DMD: variants seen among roughly 807,000 people sequenced by gnomAD.
The protein encoded by DMD is mutant dystrophin.
A neutral mutation model predicts 330.1 loss-of-function variants in DMD; 63 were observed. The observed-to-expected ratio is 0.19, with a 90% confidence interval of 0.16 to 0.24. The LOEUF (loss-of-function observed/expected upper bound fraction) is 0.24, where lower values mean the gene tolerates loss of function less well. Ranked by LOEUF, DMD falls within the 10% of genes least tolerant of loss-of-function variation. The pLI is 1.00. For missense variants in DMD, 3,344 were observed against 2,684.1 expected, an observed-to-expected ratio of 1.25 and a Z score of -5.43; for synonymous variants, 1,223 against 959.8, an observed-to-expected ratio of 1.27 and a Z score of -5.07.
At chrX:31,496,405 G>A (rs959506475) in intron 57 of DMD, among the ~76,000 whole-genome samples, 10 of 111,762 alleles carry the variant, frequency 8.9e-5, no homozygotes, top group African/African-American at 1.6e-4. Context: ...AATAACACAC[G>A]CCTGATATTT....
intron 60 of DMD, among the ~76,000 whole-genome samples, chrX:31,398,012 G>A (rs1461467530): frequency 2.7e-5 from 3 of 112,496 alleles, no homozygotes; most frequent in African/African-American, 9.7e-5. Context: ...TGACTTATGT[G>A]CTAAGAATAA....
At chrX:32,340,878 T>C (rs913625067) in intron 41 of DMD, among the ~76,000 whole-genome samples, 1 of 111,633 alleles carries the variant, frequency 9.0e-6, no homozygotes. Flanking sequence ...GCAATACAGT[T>C]TCGCTATTTC....
intron 2 of DMD, among the ~76,000 whole-genome samples, chrX:32,967,146 G>T (rs1279369147): frequency 9.0e-6 from 1 of 111,647 alleles, no homozygotes; most frequent in African/African-American, 3.3e-5. Context: ...CAGGAACATA[G>T]GAGCCCCTTT....
At chrX:33,330,791 T>C (rs1166817108) in intron 1 of DMD, among the ~76,000 whole-genome samples, 4 of 111,751 alleles carry the variant, frequency 3.6e-5, no homozygotes, top group African/African-American at 1.3e-4. Context: ...CCCTTTACTT[T>C]GAATTACTAT....
At chrX:32,067,146 A>G (rs1353759186) in intron 44 of DMD, among the ~76,000 whole-genome samples, 1 of 111,327 alleles carries the variant, frequency 9.0e-6, no homozygotes, top group African/African-American at 3.3e-5. Context: ...TATCTTTCTG[A>G]CAGATTATCA....
intron 34 of DMD, among the ~76,000 whole-genome samples, chrX:32,374,783 C>T (rs1192647768): frequency 1.8e-5 from 2 of 111,778 alleles, no homozygotes; most frequent in African/African-American, 3.2e-5. Context: ...TTTAGCTGTT[C>T]AGGCCCTTTC....
At chrX:32,560,514 G>T (rs755453250) in intron 16 of DMD, among the ~76,000 whole-genome samples, 1 of 110,062 alleles carries the variant, frequency 9.1e-6, no homozygotes, top group African/African-American at 3.3e-5. Flanking sequence ...TGTGTGCCAC[G>T]GTGGTATGGT....
At chrX:33,009,719 TGTGTGTATATGTGTATATAC>T (rs1204729804) in intron 2 of DMD, among the ~76,000 whole-genome samples, 10 of 62,995 alleles carry the variant, frequency 1.6e-4, no homozygotes, top group African/African-American at 4.6e-4. Flanking sequence ...TATGTGTATA[TGTGTGTATATGTGTATATAC>T]ACACATATGT....
intron 17 of DMD, among the ~76,000 whole-genome samples, chrX:32,540,623 A>T (rs1055721592): frequency 8.0e-5 from 9 of 111,954 alleles, no homozygotes; most frequent in African/African-American, 2.9e-4. Flanking sequence ...TCTCTCAACA[A>T]ACATTTATTG....
intron 1 of DMD, among the ~76,000 whole-genome samples, chrX:33,055,628 G>GTTA (rs1468132351): frequency 8.9e-6 from 1 of 111,934 alleles, no homozygotes; most frequent in African/African-American, 3.3e-5. Context: ...CTCCTCAAAG[G>GTTA]TAATGCTGTA....
intron 1 of DMD, among the ~76,000 whole-genome samples, chrX:33,291,654 T>C (rs774616053): frequency 1.8e-5 from 2 of 111,733 alleles, no homozygotes; most frequent in South Asian, 3.7e-4. Context: ...CCCAATTTAT[T>C]TGAAGACTAT....
At chrX:32,786,257 A>C (rs2075352353) in intron 7 of DMD, among the ~76,000 whole-genome samples, 1 of 111,020 alleles carries the variant, frequency 9.0e-6, no homozygotes, top group African/African-American at 3.3e-5. Flanking sequence ...TTCTCAGATA[A>C]TAGCTTTTTT....
intron 7 of DMD, among the ~76,000 whole-genome samples, chrX:32,705,744 C>T (rs959866544): frequency 2.3e-4 from 26 of 111,782 alleles, no homozygotes; most frequent in Non-Finnish European, 4.1e-4. Context: ...GATGGTATCT[C>T]ATTGTGGTTT....
At chrX:31,449,815 G>C (rs1327662016) in intron 59 of DMD, among the ~76,000 whole-genome samples, 1 of 89,150 alleles carries the variant, frequency 1.1e-5, no homozygotes, top group Non-Finnish European at 2.2e-5. Flanking sequence ...TAGATAGATA[G>C]AAATCTGGCT....
chrX:32,935,180 G>A (rs1331157727), intron 2 of DMD, among the ~76,000 whole-genome samples: 2 of 112,704 alleles, frequency 1.8e-5, no homozygotes, highest in Non-Finnish European at 3.8e-5. Flanking sequence ...GGGTTTCACC[G>A]TGTTAGCCAG....
At chrX:32,015,707 G>T (rs2095755538) in intron 44 of DMD, among the ~76,000 whole-genome samples, 1 of 111,743 alleles carries the variant, frequency 8.9e-6, no homozygotes, top group African/African-American at 3.3e-5. Flanking sequence ...TGTGCCTTTG[G>T]ATTAGAGAAA....
chrX:32,480,748 G>A (rs967576881), intron 21 of DMD, among the ~76,000 whole-genome samples: 1 of 110,492 alleles, frequency 9.1e-6, no homozygotes, highest in Non-Finnish European at 1.9e-5. Flanking sequence ...TGATTCTTGA[G>A]GTCAGGGAAC....
chrX:31,321,607 A>AAAAAAAAAAAAAGAAAG lies in DMD; in HGVS notation c.9224+1990_9224+1991insCTTTCTTTTTTTTTTTT, dbSNP rs1388525572. 2.9e-4 allele frequency among the ~76,000 whole-genome samples: 26 copies of AAAAAAAAAAAAAGAAAG among 89,242 alleles called. 1 individual carries two copies. The highest frequency in any genetic ancestry group is 4.7e-4 in the Non-Finnish European group (23 of 48,822). The allele number at this position is 89,242 out of a possible 115,157, so 77.5% of individuals were successfully genotyped here. ...TCAAAAAAAAAAAAAAAAAAAAAAA[A>AAAAAAAAAAAAAGAAAG]AAAGAAAGAAACCAAGATTTTTATA... On this transcript the variant is annotated intron_variant, in intron 62 of 78. Transcript: ENST00000357033.
intron 12 of DMD, among the ~76,000 whole-genome samples, chrX:32,605,780 A>G (rs900316547): frequency 1.3e-4 from 14 of 104,250 alleles, no homozygotes; most frequent in African/African-American, 3.7e-4. Context: ...GTGGCCAACA[A>G]ACATATGAGA....
Sources: allele counts gnomAD v4.1 joint callset (sites outside exome capture counted in the v4.1 genomes callset), GRCh38; gene constraint gnomAD v4.1.1; transcripts MANE v1.5; gene names NCBI Gene and HGNC (gene_info 2026-07-23, HGNC 2026-07-21).